GALNT13: variants seen among roughly 807,000 people sequenced by gnomAD.
GALNT13 encodes the protein polypeptide N-acetylgalactosaminyltransferase 13, also known as UDP-GalNAc:polypeptide N-acetylgalactosaminyltransferase 13.
A neutral mutation model predicts 64.2 loss-of-function variants in GALNT13; 28 were observed. The observed-to-expected ratio is 0.44, with a 90% confidence interval of 0.32 to 0.60. The LOEUF (loss-of-function observed/expected upper bound fraction) is 0.60. Ranked by LOEUF, GALNT13 falls within the 20% of genes least tolerant of loss-of-function variation. The pLI is 0.05. For missense variants in GALNT13, 577 were observed against 669.8 expected (o/e 0.86, Z 1.53); for synonymous variants, 214 against 224.6 (o/e 0.95, Z 0.42).
intron 3 of GALNT13, among the ~76,000 whole-genome samples, chr2:154,051,120 G>A (rs1201469295): frequency 1.3e-5 from 2 of 152,122 alleles, no homozygotes; most frequent in African/African-American, 4.8e-5. Context: ...ATATCATCTC[G>A]TGGATCAGTG....
chr2:153,990,206 C>A (rs1188225222), intron 3 of GALNT13, among the ~76,000 whole-genome samples: 3 of 151,810 alleles, frequency 2.0e-5, no homozygotes, highest in Admixed American at 2.0e-4. Flanking sequence ...CAAAATCAGA[C>A]AATTAGTAGA....
chr2:153,357,796 C>T, the GALNT13 span, among the ~76,000 whole-genome samples: 7 of 152,112 alleles, frequency 4.6e-5, no homozygotes, highest in Non-Finnish European at 1.0e-4. Flanking sequence ...TAAATTGATG[C>T]ATTTGAAAGG....
chr2:153,556,771 C>T, the GALNT13 span, among the ~76,000 whole-genome samples: 1,279 of 152,244 alleles, frequency 8.4e-3, 14 homozygotes, highest in African/African-American at 0.028. Flanking sequence ...ACTCAACCTT[C>T]CCTGTTAGCT....
chr2:153,255,681 G>A, the GALNT13 span, among the ~76,000 whole-genome samples: 1 of 152,128 alleles, frequency 6.6e-6, no homozygotes, highest in Admixed American at 6.5e-5. Context: ...AAATCTCTCA[G>A]CATTTGCTTG....
chr2:153,985,387 A>G (rs990460442), intron 3 of GALNT13, among the ~76,000 whole-genome samples: 6 of 151,914 alleles, frequency 3.9e-5, no homozygotes, highest in African/African-American at 1.5e-4. Context: ...TTCTATTGTT[A>G]TTGAGTTGTG....
chr2:154,100,572 C>A (rs1702294331), intron 3 of GALNT13, among the ~76,000 whole-genome samples: 1 of 152,082 alleles, frequency 6.6e-6, no homozygotes, highest in African/African-American at 2.4e-5. Context: ...TGAAACTTTA[C>A]TGTAGTCGTT....
chr2:153,083,102 TAGGTGTG>T, the GALNT13 span, among the ~76,000 whole-genome samples: 1 of 152,084 alleles, frequency 6.6e-6, no homozygotes, highest in Non-Finnish European at 1.5e-5. Context: ...GCTGGGATTA[TAGGTGTG>T]AGCCATCATG....
At chr2:154,035,400 C>A (rs1049956349) in intron 3 of GALNT13, among the ~76,000 whole-genome samples, 11 of 151,930 alleles carry the variant, frequency 7.2e-5, no homozygotes, top group African/African-American at 2.7e-4. Context: ...TTTAAATTAA[C>A]CCCGGAAGTA....
chr2:153,759,827 T>TA, the GALNT13 span, among the ~76,000 whole-genome samples: 98 of 149,118 alleles, frequency 6.6e-4, no homozygotes, highest in African/African-American at 1.4e-3. Context: ...TCTACCCTCA[T>TA]AAAAAAAAAA....
chr2:153,635,964 T>C, the GALNT13 span, among the ~76,000 whole-genome samples: 1 of 152,124 alleles, frequency 6.6e-6, no homozygotes, highest in Non-Finnish European at 1.5e-5. Flanking sequence ...AGAAGCTAAA[T>C]GTGTAAACTT....
At chr2:153,853,987 A>G in the GALNT13 span, among the ~76,000 whole-genome samples, 20 of 151,842 alleles carry the variant, frequency 1.3e-4, no homozygotes, top group Non-Finnish European at 7.4e-5. Context: ...CCGTCAGCCC[A>G]TAGGTATATA....
chr2:154,111,299 C>T (rs1018646507), intron 3 of GALNT13, among the ~76,000 whole-genome samples: 2 of 152,130 alleles, frequency 1.3e-5, no homozygotes, highest in African/African-American at 4.8e-5. Flanking sequence ...TTGTAGTTTC[C>T]CATTGACCTT....
At chr2:153,860,664 G>A in the GALNT13 span, among the ~76,000 whole-genome samples, 148 of 152,214 alleles carry the variant, frequency 9.7e-4, 1 homozygote, top group African/African-American at 3.4e-3. Context: ...TGGTTATATA[G>A]GAGACAAAAA....
chr2:154,071,428 G>A (rs1235463827), intron 3 of GALNT13, among the ~76,000 whole-genome samples: 2 of 152,226 alleles, frequency 1.3e-5, no homozygotes, highest in East Asian at 3.9e-4. Flanking sequence ...TAGGAAATTT[G>A]TAAATGAGTG....
At chr2:154,143,653 G>T (rs867914377) in intron 4 of GALNT13, among the ~76,000 whole-genome samples, 1 of 151,364 alleles carries the variant, frequency 6.6e-6, no homozygotes, top group Non-Finnish European at 1.5e-5. Flanking sequence ...CTGAAGTCAC[G>T]GGTTTGAGAC....
the GALNT13 span, among the ~76,000 whole-genome samples, chr2:153,610,767 C>T: frequency 2.6e-5 from 4 of 151,860 alleles, no homozygotes; most frequent in East Asian, 1.9e-4. Flanking sequence ...ATATTTCAGA[C>T]GTGTGGAAGG....
At chr2:154,097,251 G>A (rs889703621) in intron 3 of GALNT13, among the ~76,000 whole-genome samples, 7 of 151,866 alleles carry the variant, frequency 4.6e-5, no homozygotes, top group African/African-American at 1.2e-4. Flanking sequence ...CTCTGTCCTC[G>A]CTTAATTCAT....
chr2:154,301,371 A>C (rs766698218), intron 8 of GALNT13, 38 bp from the exon 9 acceptor site: 12 of 1,548,478 alleles, frequency 7.7e-6, no homozygotes, highest in Non-Finnish European at 8.0e-6. Flanking sequence ...CTCATACAAT[A>C]TTATTGCATT....
the GALNT13 span, among the ~76,000 whole-genome samples, chr2:153,714,501 C>T: frequency 3.3e-5 from 5 of 152,184 alleles, no homozygotes; most frequent in Non-Finnish European, 7.3e-5. Context: ...GCTCTGCCAA[C>T]CATATTTCTC....
Sources: allele counts gnomAD v4.1 joint callset (sites outside exome capture counted in the v4.1 genomes callset), GRCh38; gene constraint gnomAD v4.1.1; transcripts MANE v1.5; gene names NCBI Gene and HGNC (gene_info 2026-07-23, HGNC 2026-07-21).